SEMA4A: variants seen among roughly 807,000 people sequenced by gnomAD.
SEMA4A encodes semaphorin 4A.
In SEMA4A, 52 loss-of-function variants were observed where a neutral mutation model predicts 72.5. That is an observed-to-expected ratio of 0.72 (90% CI 0.57 to 0.90). The LOEUF is 0.90. Among genes scored for constraint, SEMA4A ranks in the 40% least tolerant of loss-of-function variants. SEMA4A has a pLI of 0.00. For synonymous variants in SEMA4A, 369 were observed against 393.1 expected (o/e 0.94, Z 0.73); for missense variants, 926 against 959.7 (o/e 0.96, Z 0.46).
intron 14 of SEMA4A, 101 bp downstream of exon 14, chr1:156,175,757 T>C (rs1655267380): frequency 2.3e-6 from 2 of 851,980 alleles, no homozygotes; most frequent in Non-Finnish European, 3.9e-6. Context: ...AGCACCTGCC[T>C]GGCTTGAGAT....
At chr1:156,161,313 CGG>C in intron 8 of SEMA4A, 31 bp from the exon 9 acceptor site, 3 of 757,738 alleles carry the variant, frequency 4.0e-6, no homozygotes, top group African/African-American at 2.4e-5. Context: ...TCGGGGCGCC[CGG>C]GGCGCCCCCT....
chr1:156,155,537 G>A (rs1652930952), intron 2 of SEMA4A: 2 of 152,842 alleles, frequency 1.3e-5, no homozygotes, highest in African/African-American at 4.8e-5. Flanking sequence ...CAGCAACTGA[G>A]GGGTTTATGG....
In SEMA4A at chr1:156,177,021, C is replaced by T. The variant is rs771460202; in HGVS notation, c.*24C>T. 117 of 1,595,602 alleles carry T rather than the reference C, an allele frequency of 7.3e-5. No individual in the cohort carries two copies. Among genetic ancestry groups the T allele is most frequent in the Non-Finnish European group, 8.2e-5 (96 of 1,174,114 alleles). On this transcript the variant is annotated 3_prime_UTR_variant, in exon 15 of 15. Transcript: ENST00000368285. ...AAACTCTAGGCACAGGCCGGGGCTG[C>T]GGTGCAGGCACCTGGCCATGCTGGC...
chr1:156,169,712 G>A (rs552916605), intron 10 of SEMA4A, among the ~76,000 whole-genome samples: 20 of 149,958 alleles, frequency 1.3e-4, no homozygotes, highest in African/African-American at 4.1e-4. Flanking sequence ...GAGCCACCAC[G>A]CCTGGCTGGT....
upstream of SEMA4A, among the ~76,000 whole-genome samples, chr1:156,151,616 T>C (rs1203581665): frequency 6.6e-6 from 1 of 151,974 alleles, no homozygotes; most frequent in African/African-American, 2.4e-5. Flanking sequence ...GCGGATCACT[T>C]GAGGTCAGGA....
intron 10 of SEMA4A, among the ~76,000 whole-genome samples, chr1:156,166,822 C>T (rs556899979): frequency 1.2e-4 from 18 of 151,794 alleles, no homozygotes; most frequent in East Asian, 1.9e-4. Flanking sequence ...CCAGCTACTC[C>T]GGAGGCTGAG....
intron 11 of SEMA4A, among the ~76,000 whole-genome samples, chr1:156,173,270 A>G (rs1654979466): frequency 6.6e-6 from 1 of 152,068 alleles, no homozygotes; most frequent in Non-Finnish European, 1.5e-5. Flanking sequence ...GTGTCTTATG[A>G]GGGAAGCTAT....
chr1:156,157,703 G>T lies in SEMA4A; in HGVS notation c.301-367G>T, dbSNP rs1212144138. Among the ~76,000 whole-genome samples, 1 of 152,180 alleles carries T rather than the reference G, an allele frequency of 6.6e-6. No homozygotes were observed. Among genetic ancestry groups the T allele is most frequent in the Non-Finnish European group, 1.5e-5 (1 of 68,026 alleles). On this transcript the variant is annotated intron_variant, in intron 3 of 14. Transcript: ENST00000368285. This position sits in a 1 kb window ranked among gnomAD's most constrained non-coding sequence, Gnocchi z 4.5. ...TAAACAATTTCCCCAGGAAATGTGC[G>T]GTTTGACAACTGCTGCCATATATAC...
chr1:156,175,506 C>A, intron 13 of SEMA4A, 50 bp from the exon 14 acceptor site: 1 of 1,458,688 alleles, frequency 6.9e-7, no homozygotes, highest in African/African-American at 1.4e-5. Flanking sequence ...CTTCCTCTTC[C>A]CACTTTCAGC....
chr1:156,154,543 TC>T lies in SEMA4A; in HGVS notation c.-29-3del. The T allele has an allele frequency of 1.2e-6, 2 of 1,600,088 alleles. No homozygotes were observed. The highest frequency in any genetic ancestry group is 8.5e-7 in the Non-Finnish European group (1 of 1,176,670). On this transcript the variant is annotated splice_region_variant and splice_polypyrimidine_tract_variant and intron_variant, in intron 1 of 14. Coordinates refer to ENST00000368285, the MANE Select transcript of SEMA4A (RefSeq NM_022367.4). Reference sequence around the variant, plus strand: ...CCCAGAAAGTGCCCGGGTGCCTGTTTCCCCAGAGCTCCCTGGTGACAGTCTG... The same window carrying T: ...CCCAGAAAGTGCCCGGGTGCCTGTTTCCCAGAGCTCCCTGGTGACAGTCTG...
rs1387240543 is a variant in SEMA4A, at chr1:156,175,215, A to G, written c.1564A>G (p.Thr522Ala). 3 of 1,613,592 alleles carry G rather than the reference A, an allele frequency of 1.9e-6. No homozygotes were observed. The change falls in exon 13 of 15, where the codon ACC (threonine) becomes GCC (alanine). Residue 522 changes from threonine to alanine, a missense_variant. Thr to Ala is a moderately conservative substitution (Grantham distance 58). Transcript: ENST00000368285. The part of the protein sequence containing the change: ...PHCAWDPESR[T>A]CCLLSAPNLN... The stretch of plus-strand genomic sequence containing the variant: ...CTGTGCCTGGGACCCTGAGTCCCGA[A>G]CCTGTTGCCTCCTGTCTGCCCCCAA...
intron 10 of SEMA4A, 109 bp downstream of exon 10, chr1:156,163,203 C>A: frequency 7.8e-7 from 1 of 1,286,628 alleles, no homozygotes; most frequent in South Asian, 1.2e-5. Flanking sequence ...CTCTCCACCC[C>A]ACCAATCTCG....
intron 10 of SEMA4A, among the ~76,000 whole-genome samples, chr1:156,169,710 A>G (rs902230558): frequency 1.3e-5 from 2 of 148,696 alleles, no homozygotes; most frequent in African/African-American, 4.9e-5. Flanking sequence ...GTGAGCCACC[A>G]CGCCTGGCTG....
upstream of SEMA4A, among the ~76,000 whole-genome samples, chr1:156,148,586 A>G (rs1652276548): frequency 6.6e-6 from 1 of 152,142 alleles, no homozygotes; most frequent in African/African-American, 2.4e-5. Context: ...AAATACTATG[A>G]AGTCTGGCGG....
At chr1:156,171,375 G>A (rs1654758746) in intron 10 of SEMA4A, among the ~76,000 whole-genome samples, 1 of 152,150 alleles carries the variant, frequency 6.6e-6, no homozygotes, top group Non-Finnish European at 1.5e-5. Context: ...GTGAGAAAAA[G>A]GAGGCTCAGA....
rs116375300 is a variant in SEMA4A, at chr1:156,158,046, G to A, written c.301-24G>A. On this transcript the variant is annotated intron_variant, in intron 3 of 14. Transcript: ENST00000368285. ...TGAGGACCTTATTTCTTTTCATCTC[G>A]CCCTCCCAACTCCCCACTTTCAGAT... 5,378 of 1,613,414 alleles carry A rather than the reference G, an allele frequency of 3.3e-3. 179 individuals are homozygous for A. In the African/African-American group the frequency reaches 0.066, roughly 20 times the overall value.
At chr1:156,166,396 G>T (rs1654162510) in intron 10 of SEMA4A, among the ~76,000 whole-genome samples, 1 of 152,056 alleles carries the variant, frequency 6.6e-6, no homozygotes, top group African/African-American at 2.4e-5. Flanking sequence ...TACTATTCTG[G>T]GCAGGGAATA....
chr1:156,163,093 G>T lies in SEMA4A; in HGVS notation c.1133G>T (p.Ser378Ile). 2 of 1,613,024 alleles carry T rather than the reference G, an allele frequency of 1.2e-6. No homozygotes were observed. The highest frequency in any genetic ancestry group is 2.2e-5 in the South Asian group (2 of 91,056). The stretch of plus-strand genomic sequence containing the variant: ...CCTGAGACCAACCCCCGGCCAGGCA[G>T]TGTGAGTACTACCCCCCACACTGAG... ...RGPETNPRPG[S>I]CSVGPSSDKA... is the part of the protein sequence containing the mutation. The change falls in exon 10 of 15, where the codon AGT (serine) becomes ATT (isoleucine). Residue 378 changes from serine (S) to isoleucine (I), a missense_variant and splice_region_variant. By Grantham distance (142) the Ser-to-Ile change is moderately radical (BLOSUM62 -2). Coordinates refer to ENST00000368285, the MANE Select transcript of SEMA4A (RefSeq NM_022367.4).
intron 9 of SEMA4A, among the ~76,000 whole-genome samples, chr1:156,161,954 T>G (rs939991731): frequency 1.3e-5 from 2 of 152,118 alleles, no homozygotes; most frequent in African/African-American, 4.8e-5. Context: ...GGAAACGCTA[T>G]CCGTATCAGA....
Sources: allele counts gnomAD v4.1 joint callset (sites outside exome capture counted in the v4.1 genomes callset), GRCh38; gene constraint gnomAD v4.1.1; non-coding constraint Gnocchi (gnomAD v3.1); transcripts MANE v1.5; gene names NCBI Gene and HGNC (gene_info 2026-07-23, HGNC 2026-07-21).